Variants in TACR3 observed in about 807,000 individuals in gnomAD.
TACR3 encodes the protein neuromedin-K receptor.
A neutral mutation model predicts 35.0 loss-of-function variants in TACR3; 34 were observed. The observed-to-expected ratio is 0.97, with a 90% CI of 0.74 to 1.30. The LOEUF is 1.30. TACR3 is among the 50% of genes most tolerant of loss of function. TACR3 has a pLI of 0.00. For synonymous variants in TACR3, 233 were observed against 221.1 expected (o/e 1.05, Z -0.48); for missense variants, 558 against 591.7 (o/e 0.94, Z 0.59).
intron 1 of TACR3, among the ~76,000 whole-genome samples, chr4:103,692,798 C>G (rs1294526416): frequency 6.6e-6 from 1 of 152,072 alleles, no homozygotes; most frequent in Non-Finnish European, 1.5e-5. Flanking sequence ...TATAGTAAAC[C>G]TCAGTGTGAG....
At chr4:103,656,984 C>T (rs764350614) in intron 2 of TACR3, among the ~76,000 whole-genome samples, 32 of 131,320 alleles carry the variant, frequency 2.4e-4, no homozygotes, top group African/African-American at 8.1e-4. Context: ...AAAAACATGT[C>T]GACATAGTAG....
chr4:103,656,876 A>T (rs935518346), intron 2 of TACR3, among the ~76,000 whole-genome samples: 3 of 152,122 alleles, frequency 2.0e-5, no homozygotes, highest in Non-Finnish European at 4.4e-5. Context: ...TACAATTTTT[A>T]AAAATCAGGT....
chr4:103,601,987 A>G (rs1022727764), intron 3 of TACR3, among the ~76,000 whole-genome samples: 2 of 152,188 alleles, frequency 1.3e-5, no homozygotes, highest in East Asian at 1.9e-4. Flanking sequence ...GTGTTTTCCA[A>G]CTTGGTTCCA....
chr4:103,608,994 A>T (rs1222443792), intron 3 of TACR3, among the ~76,000 whole-genome samples: 8 of 152,234 alleles, frequency 5.3e-5, no homozygotes, highest in Admixed American at 2.6e-4. Flanking sequence ...TAAATAGATG[A>T]GGAATTAATT....
chr4:103,712,813 A>T (rs569080201), intron 1 of TACR3, among the ~76,000 whole-genome samples: 1 of 152,366 alleles, frequency 6.6e-6, no homozygotes, highest in East Asian at 1.9e-4. Flanking sequence ...AAGTTGGCAA[A>T]GTATATGAAC....
chr4:103,620,162 T>A (rs945468071), intron 3 of TACR3, among the ~76,000 whole-genome samples: 1 of 152,172 alleles, frequency 6.6e-6, no homozygotes, highest in Non-Finnish European at 1.5e-5. Flanking sequence ...CATCACTAGT[T>A]GTCAGAGAAA....
chr4:103,604,930 C>G (rs1386686236), intron 3 of TACR3, among the ~76,000 whole-genome samples: 37 of 150,204 alleles, frequency 2.5e-4, no homozygotes, highest in Non-Finnish European at 4.4e-4. Context: ...ACTGCACCCA[C>G]TAACTCGTCA....
Position 103,606,876 on chromosome 4 carries a change from G to A in TACR3, c.889-15193C>T, listed in dbSNP as rs192052211. On this transcript the variant is annotated intron_variant, in intron 3 of 4. Coordinates refer to ENST00000304883, the MANE Select transcript of TACR3 (RefSeq NM_001059.3). ...ACACTATGTTGAATAGGAGTGTTGA[G>A]AGAGGGCATCCCTGTCTTGTGCCAG... Among the ~76,000 whole-genome samples the A allele has an allele frequency of 6.5e-3, 984 of 152,300 alleles. 13 individuals are homozygous for A. Among genetic ancestry groups the A allele is most frequent in the African/African-American group, 0.023 (952 of 41,568 alleles).
At position 103,587,855 on chromosome 4, in the gene TACR3, A is replaced by G. The variant is rs1017100694; in HGVS notation, c.*1827T>C. On this transcript the variant is annotated 3_prime_UTR_variant, in exon 5 of 5. Coordinates refer to ENST00000304883, the MANE Select transcript of TACR3 (RefSeq NM_001059.3). ...TTTGCTTATTTAAAACATGCACACA[A>G]GCTTCACAGACTTTATTGAGCATAT... The G allele has an allele frequency of 6.6e-6, 1 of 152,136 alleles. No individual in the cohort carries two copies. The highest frequency in any genetic ancestry group is 1.5e-5 in the Non-Finnish European group (1 of 67,986). 9.4% of individuals were successfully genotyped at this position (152,136 alleles called of 1,614,324 possible).
Position 103,656,337 on chromosome 4 carries a change from T to A in TACR3, c.745A>T (p.Ile249Phe). ...CAGTACACCAGTATAATGACGATAA[T>A]ATGGTAACTATGAAAAATAAGAAAA... ...EGPKQHFTYH[I>F]IVIILVYCFP... The change falls in exon 3 of 5, where the codon ATT becomes TTT. Residue 249 changes from isoleucine to phenylalanine, a missense_variant. Physicochemically the swap from Ile to Phe is conservative, Grantham distance 21. Coordinates refer to ENST00000304883, the MANE Select transcript of TACR3 (RefSeq NM_001059.3). 1 of 1,612,202 alleles carries A rather than the reference T, an allele frequency of 6.2e-7. No individual in the cohort carries two copies.
intron 1 of TACR3, among the ~76,000 whole-genome samples, chr4:103,673,597 TATAATA>T (rs1432624454): frequency 6.6e-6 from 1 of 152,020 alleles, no homozygotes; most frequent in Non-Finnish European, 1.5e-5. Context: ...CCAGAACAGA[TATAATA>T]ATAATAAAAA....
intron 3 of TACR3, among the ~76,000 whole-genome samples, chr4:103,639,028 G>A (rs1326977527): frequency 6.6e-6 from 1 of 152,142 alleles, no homozygotes; most frequent in Admixed American, 6.5e-5. Context: ...GGAAGTCGGT[G>A]TGGTGATTCC....
chr4:103,603,946 T>C (rs987369596), intron 3 of TACR3, among the ~76,000 whole-genome samples: 1 of 152,124 alleles, frequency 6.6e-6, no homozygotes, highest in African/African-American at 2.4e-5. Flanking sequence ...AATCAGTATC[T>C]TGAAAATGGC....
chr4:103,587,343 A>G lies in TACR3; in HGVS notation c.*2339T>C, dbSNP rs946576291. ...TTTAAGGGCCATGAGTAGTGAGTGAATGATGCCAGTTTTTTTCTGGAAAGC... is the reference window on the plus strand; with the variant it reads ...TTTAAGGGCCATGAGTAGTGAGTGAGTGATGCCAGTTTTTTTCTGGAAAGC... On this transcript the variant is annotated 3_prime_UTR_variant, in exon 5 of 5. Transcript: ENST00000304883. 1 of 152,096 alleles carries G rather than the reference A, an allele frequency of 6.6e-6. No individual in the cohort carries two copies. The highest frequency in any genetic ancestry group is 6.6e-5 in the Admixed American group (1 of 15,238). The allele number at this position is 152,096 out of a possible 1,614,324, so 9.4% of individuals were successfully genotyped here. A position where few individuals can be genotyped will look rare whatever the true frequency, so the allele number is the denominator to read the frequency against.
At chr4:103,691,800 A>G (rs1487081763) in intron 1 of TACR3, among the ~76,000 whole-genome samples, 1 of 152,228 alleles carries the variant, frequency 6.6e-6, no homozygotes, top group Non-Finnish European at 1.5e-5. Context: ...TGCCTTAAGG[A>G]CATGCTCCTG....
At chr4:103,598,870 T>C (rs1367534192) in intron 3 of TACR3, among the ~76,000 whole-genome samples, 1 of 152,210 alleles carries the variant, frequency 6.6e-6, no homozygotes, top group African/African-American at 2.4e-5. Flanking sequence ...TGTAGTATAG[T>C]TTGAAGTCAG....
intron 3 of TACR3, among the ~76,000 whole-genome samples, chr4:103,634,193 A>C (rs1284877345): frequency 6.6e-6 from 1 of 152,166 alleles, no homozygotes; most frequent in African/African-American, 2.4e-5. Context: ...TGTTATTAAC[A>C]GTAACCTCTA....
intron 1 of TACR3, among the ~76,000 whole-genome samples, chr4:103,673,387 A>G (rs1171544273): frequency 6.6e-6 from 1 of 152,150 alleles, no homozygotes; most frequent in African/African-American, 2.4e-5. Context: ...AGGACATTGT[A>G]TGGTTATTAA....
chr4:103,712,739 A>C (rs1467649882), intron 1 of TACR3, among the ~76,000 whole-genome samples: 2 of 152,230 alleles, frequency 1.3e-5, no homozygotes, highest in East Asian at 3.8e-4. Context: ...ACAAAGGGCT[A>C]ATATCCAGAA....
Sources: gnomAD v4.1 joint callset for allele counts (sites outside exome capture counted in the v4.1 genomes callset) on GRCh38, gnomAD v4.1.1 for gene constraint, MANE v1.5 for transcripts, NCBI Gene and HGNC (gene_info 2026-07-23, HGNC 2026-07-21) for gene names.